Variants in EFCAB6 observed in about 807,000 individuals in gnomAD.
The protein encoded by EFCAB6 is EF-hand calcium-binding domain-containing protein 6.
In EFCAB6, 156 loss-of-function variants were observed where a neutral mutation model predicts 169.8. That is an observed-to-expected ratio of 0.92 (90% CI 0.81 to 1.05). The LOEUF (loss-of-function observed/expected upper bound fraction) is 1.05. EFCAB6 is among the 50% of genes least tolerant of loss of function. The pLI, the probability that EFCAB6 is intolerant of heterozygous loss-of-function variation, is 0.00. For synonymous variants in EFCAB6, 698 were observed against 676.4 expected, an observed-to-expected ratio of 1.03 and a Z score of -0.50; for missense variants, 1,800 against 1,829.1, an observed-to-expected ratio of 0.98 and a Z score of 0.29.
rs370037189 is a variant in EFCAB6, at chr22:43,637,430, A to G, written c.1984-2214T>C. On this transcript the variant is annotated intron_variant, in intron 17 of 31. Coordinates refer to ENST00000262726, the MANE Select transcript of EFCAB6 (RefSeq NM_022785.4). ...TGGCTTATTCTCCCTTTCACTGTCT[A>G]TGTAAATAACAGACAGTCTGATTGT... Among the ~76,000 whole-genome samples, 700 of 152,348 alleles carry G rather than the reference A, an allele frequency of 4.6e-3. 6 individuals are homozygous for G. Among genetic ancestry groups the G allele is most frequent in the South Asian group, 0.017 (82 of 4,828 alleles).
At chr22:43,746,052 C>T (rs1569464934) in intron 6 of EFCAB6, among the ~76,000 whole-genome samples, 1 of 152,134 alleles carries the variant, frequency 6.6e-6, no homozygotes, top group Non-Finnish European at 1.5e-5. Context: ...GGTAGAGATG[C>T]GCCAAACCAG....
At position 43,540,169 on chromosome 22, in the gene EFCAB6, A is replaced by G. The variant is rs371189027; in HGVS notation, c.3837T>C (p.Thr1279=). The change falls in exon 28 of 32, where the codon ACT becomes ACC. Residue 1279 remains threonine (T), a synonymous_variant. Coordinates refer to ENST00000262726, the MANE Select transcript of EFCAB6 (RefSeq NM_022785.4). ...ACTTTGACCCTGGTCTCAGCTCCTG[A>G]GTGGGCAATGAGAGGGCAGATCTGG... ...EGTRSALSLP[T]QELRPGSKSQ... 2.5e-6 allele frequency: 4 copies of G among 1,614,032 alleles called. No individual in the cohort carries two copies. The highest frequency in any genetic ancestry group is 3.4e-6 in the Non-Finnish European group (4 of 1,180,036).
chr22:43,553,920 GCA>G (rs900188702), intron 27 of EFCAB6: 2 of 152,648 alleles, frequency 1.3e-5, no homozygotes, highest in Non-Finnish European at 2.9e-5. Flanking sequence ...TCCAGCCTGT[GCA>G]CAGTGGAGAG....
At chr22:43,752,116 A>ATT (rs33992120) in intron 6 of EFCAB6, among the ~76,000 whole-genome samples, 51,320 of 123,382 alleles carry the variant, frequency 0.42, 12,195 homozygotes, top group African/African-American at 0.52. Context: ...TCTCCTTTCC[A>ATT]TTTTTTTTTT....
intron 17 of EFCAB6, among the ~76,000 whole-genome samples, chr22:43,665,567 AG>A (rs1228630451): frequency 2.0e-5 from 3 of 152,206 alleles, no homozygotes; most frequent in Non-Finnish European, 4.4e-5. Context: ...CACGTAGCTC[AG>A]GGTGAAATAA....
intron 26 of EFCAB6, among the ~76,000 whole-genome samples, chr22:43,559,820 C>A (rs962952777): frequency 6.6e-6 from 1 of 151,390 alleles, no homozygotes; most frequent in Admixed American, 6.6e-5. Context: ...AATGAGGACA[C>A]ATGAACACAG....
intron 2 of EFCAB6, among the ~76,000 whole-genome samples, chr22:43,796,172 C>A (rs1367070954): frequency 1.3e-5 from 2 of 152,114 alleles, no homozygotes; most frequent in African/African-American, 4.8e-5. Context: ...CCTCACTCAT[C>A]CCTCTACTGA....
chr22:43,757,375 C>G (rs1226165621), intron 5 of EFCAB6, among the ~76,000 whole-genome samples: 1 of 152,004 alleles, frequency 6.6e-6, no homozygotes, highest in Non-Finnish European at 1.5e-5. Context: ...TGGAGAAACC[C>G]CATCTCTACT....
intron 10 of EFCAB6, among the ~76,000 whole-genome samples, chr22:43,703,308 C>T (rs2058833521): frequency 1.3e-5 from 2 of 152,202 alleles, no homozygotes; most frequent in African/African-American, 4.8e-5. Flanking sequence ...TGCCCATGGT[C>T]ATTACCAGCT....
At chr22:43,711,660 A>G in intron 9 of EFCAB6, 37 bp from the exon 10 acceptor site, 1 of 1,565,078 alleles carries the variant, frequency 6.4e-7, no homozygotes, top group Non-Finnish European at 8.6e-7. Flanking sequence ...GCGTTCATAA[A>G]TATCAACTTC....
At chr22:43,636,154 G>A (rs753083105) in intron 17 of EFCAB6, among the ~76,000 whole-genome samples, 3 of 152,200 alleles carry the variant, frequency 2.0e-5, no homozygotes, top group Admixed American at 6.5e-5. Flanking sequence ...AACAGGGGAC[G>A]GAAGGCTTTC....
Position 43,540,272 on chromosome 22 carries a change from G to A in EFCAB6, c.3734C>T (p.Thr1245Ile), listed in dbSNP as rs996064881. ...ACCAGTGGCCATTGGTGTGGCTGCT[G>A]TCTCGGAACTGAACCTGCTCAGGAA... ...PDFLSRFSSE[T>I]AATPMATGDS... Residue 1245 changes from threonine (T) to isoleucine (I), a missense_variant, in exon 28 of 32, where the codon ACA (threonine) becomes ATA (isoleucine). Physicochemically the swap from Thr to Ile is moderately conservative, Grantham distance 89. Transcript: ENST00000262726. 6.2e-7 allele frequency: 1 copy of A among 1,614,246 alleles called. No homozygotes were observed.
chr22:43,730,928 T>C (rs890408252), intron 8 of EFCAB6, among the ~76,000 whole-genome samples: 3 of 152,138 alleles, frequency 2.0e-5, no homozygotes, highest in Admixed American at 6.5e-5. Flanking sequence ...TCATAGAACA[T>C]GGTCCCTGAA....
chr22:43,720,640 G>A (rs5763975), intron 8 of EFCAB6, among the ~76,000 whole-genome samples: 43,762 of 151,450 alleles, frequency 0.29, 7,501 homozygotes, highest in East Asian at 0.64. Context: ...AGAGAGGGAG[G>A]AAAAGAGAGA....
chr22:43,747,921 C>A (rs981582597), intron 6 of EFCAB6, among the ~76,000 whole-genome samples: 1 of 152,196 alleles, frequency 6.6e-6, no homozygotes, highest in South Asian at 2.1e-4. Flanking sequence ...TCCTCCTGAT[C>A]TAGGTGATAT....
chr22:43,673,617 T>C (rs925517872), intron 13 of EFCAB6, among the ~76,000 whole-genome samples: 5 of 151,956 alleles, frequency 3.3e-5, no homozygotes, highest in African/African-American at 1.2e-4. Flanking sequence ...CCGTCTCTAC[T>C]AAAAATACAA....
At chr22:43,636,988 A>C (rs2055450196) in intron 17 of EFCAB6, among the ~76,000 whole-genome samples, 1 of 152,126 alleles carries the variant, frequency 6.6e-6, no homozygotes, top group South Asian at 2.1e-4. Flanking sequence ...AAGAGAGGAG[A>C]TGAAAATGGA....
chr22:43,697,430 A>T (rs937642226), intron 10 of EFCAB6, among the ~76,000 whole-genome samples: 1 of 152,224 alleles, frequency 6.6e-6, no homozygotes, highest in Non-Finnish European at 1.5e-5. Context: ...ATACACGCAC[A>T]AAAGAAATTC....
In EFCAB6 at chr22:43,589,320, A is replaced by AAAAAG. The variant is rs1569207678; in HGVS notation, c.3032+753_3032+754insCTTTT. On this transcript the variant is annotated intron_variant, in intron 24 of 31. Coordinates refer to ENST00000262726, the MANE Select transcript of EFCAB6 (RefSeq NM_022785.4). Reference sequence around the variant, plus strand: ...AAAAAAAAAAAAAAAAAAAAAAAAAAAGAAGTACAGGTACATTCACTATCA... The same window carrying AAAAAG: ...AAAAAAAAAAAAAAAAAAAAAAAAAAAAAAGAGAAGTACAGGTACATTCACTATCA... Among the ~76,000 whole-genome samples the AAAAAG allele has an allele frequency of 2.3e-3, 137 of 59,834 alleles. 7 individuals are homozygous for AAAAAG. The highest frequency in any genetic ancestry group is 8.9e-3 in the Middle Eastern group (1 of 112). The allele number at this position is 59,834 out of a possible 152,430, so 39.3% of individuals were successfully genotyped here. A position where few individuals can be genotyped will look rare whatever the true frequency, so the allele number is the denominator to read the frequency against.
Sources: gnomAD v4.1 joint callset for allele counts (sites outside exome capture counted in the v4.1 genomes callset) on GRCh38, gnomAD v4.1.1 for gene constraint, MANE v1.5 for transcripts, NCBI Gene and HGNC (gene_info 2026-07-23, HGNC 2026-07-21) for gene names.